FHIT: variants seen among roughly 807,000 people sequenced by gnomAD.
FHIT encodes bis(5'-adenosyl)-triphosphatase.
In FHIT, 19 loss-of-function variants were observed where a neutral mutation model predicts 17.9. That is an observed-to-expected ratio of 1.06 (90% CI 0.74 to 1.56). FHIT has a LOEUF of 1.56. Among genes scored for constraint, FHIT ranks in the 40% most tolerant of loss-of-function variants. The probability of loss-of-function intolerance (pLI) is 0.00; values close to 1 mark genes in which losing one functional copy is unlikely to be tolerated. For synonymous variants in FHIT, 81 were observed against 69.7 expected (o/e 1.16, Z -0.81); for missense variants, 248 against 189.2 (o/e 1.31, Z -1.82).
intron 5 of FHIT, among the ~76,000 whole-genome samples, chr3:60,325,989 CG>C: frequency 6.6e-6 from 1 of 152,058 alleles, no homozygotes; most frequent in African/African-American, 2.4e-5. Context: ...TACTATCAAG[CG>C]AGGGCACTTC....
At chr3:60,368,445 T>C (rs1700197224) in intron 5 of FHIT, among the ~76,000 whole-genome samples, 1 of 151,630 alleles carries the variant, frequency 6.6e-6, no homozygotes, top group Non-Finnish European at 1.5e-5. Context: ...TATATATAAA[T>C]ATATTTATTT....
intron 1 of FHIT, among the ~76,000 whole-genome samples, chr3:61,206,159 T>A (rs1169341022): frequency 4.5e-5 from 6 of 133,870 alleles, no homozygotes; most frequent in African/African-American, 1.7e-4. Flanking sequence ...AGGGCTCTGT[T>A]CTGTTCCATT....
At chr3:61,158,813 A>G (rs553794825) in intron 2 of FHIT, among the ~76,000 whole-genome samples, 50 of 152,358 alleles carry the variant, frequency 3.3e-4, no homozygotes, top group African/African-American at 1.2e-3. Context: ...TAAAAAGCTC[A>G]TAAACTATGT....
At chr3:60,633,792 C>A (rs2039508320) in intron 4 of FHIT, among the ~76,000 whole-genome samples, 1 of 152,174 alleles carries the variant, frequency 6.6e-6, no homozygotes, top group South Asian at 2.1e-4. Flanking sequence ...CGTACCCAAG[C>A]ACTGCCTGGT....
chr3:60,419,760 C>T (rs1052614749), intron 5 of FHIT, among the ~76,000 whole-genome samples: 2 of 152,162 alleles, frequency 1.3e-5, no homozygotes, highest in African/African-American at 2.4e-5. Context: ...GCTTCAAGCA[C>T]ATCTCTGCTA....
rs151075957 is a variant in FHIT at position 59,923,735 on chromosome 3, T to G, written c.280-1321A>C. Among the ~76,000 whole-genome samples, 35 of 152,222 alleles carry G rather than the reference T, an allele frequency of 2.3e-4. No homozygotes were observed. In the East Asian group the frequency reaches 4.3e-3, roughly 19 times the overall value. ...CCCTGATCACCCACCCCTTCCTGAT[T>G]ACTGCGATCGGGTTCCGAGGCTCCA... On this transcript the variant is annotated intron_variant, in intron 7 of 9. Coordinates refer to ENST00000492590, the MANE Select transcript of FHIT (RefSeq NM_002012.4).
At chr3:60,405,988 A>G (rs1177485368) in intron 5 of FHIT, among the ~76,000 whole-genome samples, 1 of 152,212 alleles carries the variant, frequency 6.6e-6, no homozygotes, top group Non-Finnish European at 1.5e-5. Context: ...TAACAAATGT[A>G]AAATTCATAG....
At chr3:60,544,721 C>A (rs534227606) in intron 4 of FHIT, among the ~76,000 whole-genome samples, 1 of 151,926 alleles carries the variant, frequency 6.6e-6, no homozygotes, top group East Asian at 1.9e-4. Flanking sequence ...CTCAGCCTCC[C>A]AAGTAGCTGG....
At chr3:60,467,511 T>C (rs1254874263) in intron 5 of FHIT, among the ~76,000 whole-genome samples, 1 of 152,046 alleles carries the variant, frequency 6.6e-6, no homozygotes, top group Non-Finnish European at 1.5e-5. Flanking sequence ...TAGGTTTTGA[T>C]ACATTGCGTT....
At position 60,867,336 on chromosome 3, in the gene FHIT, G is replaced by C. The variant is rs111311611; in HGVS notation, c.-110-45325C>G. On this transcript the variant is annotated intron_variant, in intron 3 of 9. Transcript: ENST00000492590. ...AAGCAAATATAGGAGACATCACAAA[G>C]ATGCAAATATGTATTCATATTCACA... Among the ~76,000 whole-genome samples, 70 of 152,248 alleles carry C rather than the reference G, an allele frequency of 4.6e-4. 1 individual carries two copies. Among genetic ancestry groups the C allele is most frequent in the Middle Eastern group, 3.4e-3 (1 of 294 alleles).
intron 5 of FHIT, among the ~76,000 whole-genome samples, chr3:60,228,572 G>A (rs376644894): frequency 2.0e-5 from 3 of 152,114 alleles, no homozygotes; most frequent in African/African-American, 2.4e-5. Context: ...CAGCCCTACC[G>A]CTTCTCAGCT....
At chr3:61,149,427 A>G (rs940883620) in intron 2 of FHIT, among the ~76,000 whole-genome samples, 1 of 151,820 alleles carries the variant, frequency 6.6e-6, no homozygotes, top group Non-Finnish European at 1.5e-5. Context: ...TAAGTTTAAT[A>G]AATAAAAATT....
At chr3:61,250,194 C>T (rs1182720773) in intron 1 of FHIT, among the ~76,000 whole-genome samples, 5 of 152,174 alleles carry the variant, frequency 3.3e-5, no homozygotes, top group Non-Finnish European at 7.3e-5. Context: ...GAGTACCTGC[C>T]CGACGAGAAA....
chr3:60,955,635 C>CATATATATATATATTTATATATACAT (rs1553778580), intron 3 of FHIT, among the ~76,000 whole-genome samples: 1 of 48,346 alleles, frequency 2.1e-5, no homozygotes. Context: ...TATATATATA[C>CATATATATATATATTTATATATACAT]ACACACACAC....
At chr3:59,880,999 T>C (rs958628352) in intron 8 of FHIT, among the ~76,000 whole-genome samples, 10 of 152,112 alleles carry the variant, frequency 6.6e-5, no homozygotes, top group Non-Finnish European at 1.5e-4. Context: ...TCCTTTGACA[T>C]CTCAACAGCA....
intron 5 of FHIT, among the ~76,000 whole-genome samples, chr3:60,389,244 C>T (rs1701131160): frequency 6.6e-6 from 1 of 152,144 alleles, no homozygotes; most frequent in African/African-American, 2.4e-5. Context: ...GGCCTACCTG[C>T]CTGTGATTTC....
chr3:60,653,443 A>C (rs1268050822), intron 4 of FHIT, among the ~76,000 whole-genome samples: 1 of 152,092 alleles, frequency 6.6e-6, no homozygotes, highest in African/African-American at 2.4e-5. Flanking sequence ...AAAAAATAAA[A>C]TATATAGATG....
At chr3:61,088,243 G>T (rs530003288) in intron 2 of FHIT, among the ~76,000 whole-genome samples, 1 of 152,092 alleles carries the variant, frequency 6.6e-6, no homozygotes, top group Non-Finnish European at 1.5e-5. Flanking sequence ...GTCATCCCAA[G>T]AAATATTACT....
intron 4 of FHIT, among the ~76,000 whole-genome samples, chr3:60,692,305 G>A (rs1410657913): frequency 6.6e-6 from 1 of 152,154 alleles, no homozygotes; most frequent in South Asian, 2.1e-4. Flanking sequence ...TTCCAAAGGT[G>A]TCTACATCCT....
Sources: gnomAD v4.1 joint callset for allele counts (sites outside exome capture counted in the v4.1 genomes callset) on GRCh38, gnomAD v4.1.1 for gene constraint, MANE v1.5 for transcripts, NCBI Gene and HGNC (gene_info 2026-07-23, HGNC 2026-07-21) for gene names.